Variants in TJP1 observed in about 807,000 individuals in gnomAD.
TJP1 encodes the protein tight junction protein ZO-1.
Under a neutral mutation model 194.2 loss-of-function variants are expected in TJP1, and 43 were observed. The ratio of observed to expected loss-of-function variants is 0.22; its 90% CI spans 0.17 to 0.29. The LOEUF (loss-of-function observed/expected upper bound fraction) is 0.29. Among genes scored for constraint, TJP1 ranks in the 10% least tolerant of loss-of-function variants. TJP1 has a pLI of 1.00. For missense variants in TJP1, 1,971 were observed against 2,185.7 expected (o/e 0.90, Z 1.96); for synonymous variants, 801 against 779.0 (o/e 1.03, Z -0.47).
intron 2 of TJP1, among the ~76,000 whole-genome samples, chr15:29,845,866 A>G (rs1200709501): frequency 6.6e-6 from 1 of 152,190 alleles, no homozygotes; most frequent in Non-Finnish European, 1.5e-5. Context: ...TCACTATTCT[A>G]TTACAAGGCA....
intron 2 of TJP1, among the ~76,000 whole-genome samples, chr15:29,874,558 T>C (rs2152121157): frequency 6.6e-6 from 1 of 152,298 alleles, no homozygotes; most frequent in African/African-American, 2.4e-5. Flanking sequence ...CAGCAAGTTG[T>C]TGTCTATGTT....
chr15:29,726,449 C>A lies in TJP1; in HGVS notation c.2342G>T (p.Gly781Val). Residue 781 changes from glycine to valine, a missense_variant, in exon 18 of 28, where the codon GGT (glycine) becomes GTT (valine). Gly to Val is a moderately radical substitution (Grantham distance 109). Transcript: ENST00000614355. The stretch of plus-strand genomic sequence containing the variant: ...TGCTTCTTTCAGCGCACCATACCAA[C>A]CATCATTCATTGAATTTAAGTTAAT... ...TTINLNSMND[G>V]WYGALKEAIQ... 6.2e-7 allele frequency: 1 copy of A among 1,614,084 alleles called. No homozygotes were observed. The highest frequency in any genetic ancestry group is 8.5e-7 in the Non-Finnish European group (1 of 1,179,996).
chr15:29,768,061 TTCTC>T (rs1341126925), intron 4 of TJP1, among the ~76,000 whole-genome samples: 2 of 152,224 alleles, frequency 1.3e-5, no homozygotes, highest in Admixed American at 1.3e-4. Flanking sequence ...CTTTTCTCTC[TTCTC>T]TATGTGCCTA....
intron 1 of TJP1, among the ~76,000 whole-genome samples, chr15:29,816,625 G>T (rs928010011): frequency 2.0e-5 from 3 of 152,176 alleles, no homozygotes; most frequent in Non-Finnish European, 2.9e-5. Context: ...TATGAAGCAA[G>T]TATGCATTGA....
At chr15:29,949,940 TCCACAACCA>T (rs2055602821) in intron 2 of TJP1, among the ~76,000 whole-genome samples, 2 of 8,458 alleles carry the variant, frequency 2.4e-4, no homozygotes, top group Non-Finnish European at 1.7e-4. Context: ...CACCACCACC[TCCACAACCA>T]CCACCACCAC....
Position 29,705,755 on chromosome 15 carries a change from C to G in TJP1, c.4851-10G>C, listed in dbSNP as rs376818472. ...TTCCACAGCTGAAGGACTGAAAGTT[C>G]AGAAATGGCTAGTGAGTGAATTCCT... On this transcript the variant is annotated splice_polypyrimidine_tract_variant and intron_variant, in intron 25 of 27. Transcript: ENST00000614355. The G allele has an allele frequency of 1.1e-5, 18 of 1,613,358 alleles. No homozygotes were observed. In the African/African-American group the frequency reaches 2.3e-4, roughly 20 times the overall value.
At position 29,716,677 on chromosome 15, in the gene TJP1, T is replaced by C; in HGVS notation, c.4136A>G (p.His1379Arg). The change falls in exon 23 of 28, where the codon CAT becomes CGT. Residue 1379 changes from histidine (H) to arginine (R), a missense_variant. By Grantham distance (29) the His-to-Arg change is conservative. Transcript: ENST00000614355. ...CGCTGGCTTTGCAGGCTCGGAGAGA[T>C]GGCTGGCGGCAATGTGTGCAGGAGG... ...NKPPAHIAAS[H>R]LSEPAKPAHS... 1.9e-6 allele frequency: 3 copies of C among 1,614,120 alleles called. No homozygotes were observed. The highest frequency in any genetic ancestry group is 2.5e-6 in the Non-Finnish European group (3 of 1,179,968).
At chr15:29,963,683 C>T (rs1343871637) in intron 1 of TJP1, among the ~76,000 whole-genome samples, 2 of 152,194 alleles carry the variant, frequency 1.3e-5, no homozygotes, top group African/African-American at 4.8e-5. Context: ...GAGACTGAGT[C>T]TCGCTCTGTT....
At chr15:29,942,471 TCA>T (rs936517794) in intron 2 of TJP1, among the ~76,000 whole-genome samples, 15 of 152,178 alleles carry the variant, frequency 9.9e-5, no homozygotes, top group Non-Finnish European at 7.3e-5. Flanking sequence ...ATCTGAACAT[TCA>T]CAGTTTAATC....
intron 23 of TJP1, among the ~76,000 whole-genome samples, chr15:29,715,991 A>AGAGACACAGAACCAGTAG (rs2042539869): frequency 6.6e-6 from 1 of 152,212 alleles, no homozygotes; most frequent in Non-Finnish European, 1.5e-5. Flanking sequence ...GGGTTCAACC[A>AGAGACACAGAACCAGTAG]GAGACACAGA....
At chr15:29,793,138 T>C (rs1595910968) in intron 2 of TJP1, among the ~76,000 whole-genome samples, 2 of 152,226 alleles carry the variant, frequency 1.3e-5, no homozygotes, top group African/African-American at 4.8e-5. Context: ...GGACTTCCAG[T>C]ACCACGTTGA....
intron 2 of TJP1, among the ~76,000 whole-genome samples, chr15:29,884,427 A>G (rs747327632): frequency 6.6e-6 from 1 of 152,082 alleles, no homozygotes; most frequent in Non-Finnish European, 1.5e-5. Flanking sequence ...TCTTCCATAC[A>G]CTAAATTTTG....
intron 2 of TJP1, among the ~76,000 whole-genome samples, chr15:29,947,890 C>T (rs2055337996): frequency 6.6e-6 from 1 of 152,214 alleles, no homozygotes. Flanking sequence ...GGGAACATCA[C>T]AGCACAGCTG....
intron 1 of TJP1, among the ~76,000 whole-genome samples, chr15:29,816,434 T>C (rs999643537): frequency 6.6e-6 from 1 of 152,164 alleles, no homozygotes; most frequent in Non-Finnish European, 1.5e-5. Flanking sequence ...GAAACAAATG[T>C]AAGAGTTGTA....
chr15:29,772,228 A>G (rs1595841740), intron 3 of TJP1, 62 bp from the exon 4 acceptor site: 1 of 1,036,092 alleles, frequency 9.7e-7, no homozygotes, highest in Non-Finnish European at 1.4e-6. Context: ...GTTTATGATG[A>G]TATTTCCAAG....
intron 8 of TJP1, among the ~76,000 whole-genome samples, chr15:29,752,278 T>G (rs1423968618): frequency 6.6e-6 from 1 of 152,108 alleles, no homozygotes; most frequent in African/African-American, 2.4e-5. Flanking sequence ...AATTTTGGTA[T>G]TTTTAGTAGA....
intron 1 of TJP1, 23 bp downstream of exon 1, chr15:29,821,979 C>G: frequency 7.7e-7 from 1 of 1,298,860 alleles, no homozygotes; most frequent in Non-Finnish European, 9.8e-7. Context: ...CGGTCTGGCC[C>G]TGGCGGCCGC....
intron 2 of TJP1, among the ~76,000 whole-genome samples, chr15:29,878,642 T>C (rs1294974719): frequency 1.3e-5 from 2 of 151,734 alleles, no homozygotes; most frequent in Admixed American, 1.3e-4. Context: ...CTTTGAAAGG[T>C]GTCTCTACAA....
chr15:29,908,940 A>G (rs987342941), intron 2 of TJP1, among the ~76,000 whole-genome samples: 15 of 152,144 alleles, frequency 9.9e-5, no homozygotes, highest in East Asian at 1.9e-4. Context: ...GGATCACGAG[A>G]TCAGGAGATC....
Sources: gnomAD v4.1 joint callset for allele counts (sites outside exome capture counted in the v4.1 genomes callset) on GRCh38, gnomAD v4.1.1 for gene constraint, MANE v1.5 for transcripts, NCBI Gene and HGNC (gene_info 2026-07-23, HGNC 2026-07-21) for gene names.